ARHGAP22: variants seen among roughly 807,000 people sequenced by gnomAD.
The protein encoded by ARHGAP22 is rho GTPase-activating protein 22.
In ARHGAP22, 48 loss-of-function variants were observed where a neutral mutation model predicts 59.1. The ratio of observed to expected loss-of-function variants is 0.81; its 90% CI spans 0.64 to 1.03. The LOEUF (loss-of-function observed/expected upper bound fraction) is 1.03. ARHGAP22 is among the 50% of genes least tolerant of loss of function. ARHGAP22 has a pLI of 0.00. For missense variants in ARHGAP22, 1,015 were observed against 958.7 expected, an observed-to-expected ratio of 1.06 and a Z score of -0.78; for synonymous variants, 445 against 416.4, an observed-to-expected ratio of 1.07 and a Z score of -0.84.
At chr10:48,481,659 A>G (rs1002094493) in intron 3 of ARHGAP22, among the ~76,000 whole-genome samples, 1 of 152,082 alleles carries the variant, frequency 6.6e-6, no homozygotes, top group African/African-American at 2.4e-5. Context: ...ATTTATATAT[A>G]TTTTTATATA....
intron 3 of ARHGAP22, among the ~76,000 whole-genome samples, chr10:48,495,854 G>A (rs908710099): frequency 6.6e-5 from 10 of 152,202 alleles, no homozygotes; most frequent in Admixed American, 2.6e-4. Flanking sequence ...GGAGCTGCCC[G>A]AGGCGGAGGC....
chr10:48,572,608 C>T (rs575813481), intron 2 of ARHGAP22, among the ~76,000 whole-genome samples: 1 of 152,116 alleles, frequency 6.6e-6, no homozygotes, highest in African/African-American at 2.4e-5. Flanking sequence ...TGAGTCAGGA[C>T]CCTCTTTGTG....
At position 48,522,001 on chromosome 10, in the gene ARHGAP22, ATGGTT is replaced by A. The variant is rs1248545967; in HGVS notation, c.322+33457_322+33461del. On this transcript the variant is annotated intron_variant, in intron 3 of 9. Coordinates refer to ENST00000249601, the MANE Select transcript of ARHGAP22 (RefSeq NM_021226.4). Reference sequence around the variant, plus strand: ...TTTATTGCAGAACTAATTGTGAACAATGGTTCAGACTGTCCGCCACCCAGCCAGAC... The same window carrying A: ...TTTATTGCAGAACTAATTGTGAACAACAGACTGTCCGCCACCCAGCCAGAC... Among the ~76,000 whole-genome samples, 3 of 152,258 alleles carry A rather than the reference ATGGTT, an allele frequency of 2.0e-5. No individual in the cohort carries two copies. The East Asian group carries it at 5.8e-4, about 29-fold the overall frequency.
At chr10:48,516,920 C>T (rs1412913213) in intron 3 of ARHGAP22, among the ~76,000 whole-genome samples, 3 of 152,192 alleles carry the variant, frequency 2.0e-5, no homozygotes, top group Non-Finnish European at 1.5e-5. Context: ...TGGAATATTA[C>T]TCAGCCTTAA....
chr10:48,566,495 G>C (rs2135440443), intron 2 of ARHGAP22, among the ~76,000 whole-genome samples: 1 of 152,298 alleles, frequency 6.6e-6, no homozygotes, highest in East Asian at 1.9e-4. Context: ...TCTTGGTAAA[G>C]GAACGTTCCC....
chr10:48,630,018 T>C (rs1028135389), intron 1 of ARHGAP22, among the ~76,000 whole-genome samples: 7 of 152,162 alleles, frequency 4.6e-5, no homozygotes, highest in Admixed American at 1.3e-4. Context: ...TGCTGGTGTA[T>C]GGAAAAGCAA....
At chr10:48,621,788 C>T (rs1159435124) in intron 1 of ARHGAP22, among the ~76,000 whole-genome samples, 1 of 152,210 alleles carries the variant, frequency 6.6e-6, no homozygotes, top group Non-Finnish European at 1.5e-5. Flanking sequence ...TTATTTCTCT[C>T]TAAGTCTTTC....
intron 3 of ARHGAP22, among the ~76,000 whole-genome samples, chr10:48,535,020 G>T (rs955423385): frequency 6.6e-6 from 1 of 152,172 alleles, no homozygotes; most frequent in African/African-American, 2.4e-5. Context: ...CTTAGCTGGG[G>T]CATAGTACTG....
chr10:48,434,853 C>T, the ARHGAP22 span: 1 of 1,580,316 alleles, frequency 6.3e-7, no homozygotes. Flanking sequence ...CTGTCTGCAA[C>T]TGATTTGCTG....
intron 4 of ARHGAP22, chr10:48,466,726 A>G (rs1402791502): frequency 4.0e-5 from 6 of 148,502 alleles, no homozygotes; most frequent in South Asian, 2.1e-4. Context: ...GCACGCGCGC[A>G]GGTAGCGTCT....
chr10:48,462,451 A>T (rs561353713), intron 4 of ARHGAP22, among the ~76,000 whole-genome samples: 7 of 152,326 alleles, frequency 4.6e-5, no homozygotes, highest in African/African-American at 1.7e-4. Context: ...GTTTGAACGG[A>T]GAGGCATGGG....
chr10:48,434,051 C>T, the ARHGAP22 span, among the ~76,000 whole-genome samples: 1 of 152,202 alleles, frequency 6.6e-6, no homozygotes, highest in Non-Finnish European at 1.5e-5. Context: ...ATAAGTCATT[C>T]CTGTCCCCTT....
At chr10:48,436,932 TATTA>T in the ARHGAP22 span, 3 of 152,264 alleles carry the variant, frequency 2.0e-5, no homozygotes, top group African/African-American at 7.2e-5. Flanking sequence ...AGTGTGTTTA[TATTA>T]ATTTCACAAT....
intron 3 of ARHGAP22, among the ~76,000 whole-genome samples, chr10:48,494,175 CACAG>C (rs1439616301): frequency 6.6e-6 from 1 of 152,152 alleles, no homozygotes; most frequent in African/African-American, 2.4e-5. Context: ...TGGTCTGTGT[CACAG>C]ACAGAGAAGC....
the ARHGAP22 span, among the ~76,000 whole-genome samples, chr10:48,433,193 G>A: frequency 1.3e-5 from 2 of 152,238 alleles, no homozygotes; most frequent in South Asian, 4.2e-4. Flanking sequence ...GAGAAAACAA[G>A]TGTGTGTTTT....
intron 1 of ARHGAP22, among the ~76,000 whole-genome samples, chr10:48,616,681 T>C (rs896749035): frequency 1.3e-5 from 2 of 152,122 alleles, no homozygotes; most frequent in African/African-American, 4.8e-5. Context: ...TGGAGTGATG[T>C]ATTCAAAATG....
intron 3 of ARHGAP22, among the ~76,000 whole-genome samples, chr10:48,481,138 C>T (rs752449038): frequency 7.9e-5 from 12 of 152,218 alleles, no homozygotes; most frequent in East Asian, 1.9e-4. Flanking sequence ...CTGTGGAGGT[C>T]GGTAGGAAGG....
intron 3 of ARHGAP22, among the ~76,000 whole-genome samples, chr10:48,489,040 G>T (rs1200944140): frequency 1.3e-5 from 2 of 152,174 alleles, no homozygotes; most frequent in Non-Finnish European, 2.9e-5. Context: ...GGGGGTCATA[G>T]TCCTTCCCTA....
intron 1 of ARHGAP22, among the ~76,000 whole-genome samples, chr10:48,588,649 C>G (rs1343483082): frequency 1.1e-4 from 17 of 152,204 alleles, no homozygotes; most frequent in Admixed American, 1.1e-3. Flanking sequence ...AAAGGTGGCT[C>G]TTCCATGCAC....
Sources: gnomAD v4.1 joint callset for allele counts (sites outside exome capture counted in the v4.1 genomes callset) on GRCh38, gnomAD v4.1.1 for gene constraint, MANE v1.5 for transcripts, NCBI Gene and HGNC (gene_info 2026-07-23, HGNC 2026-07-21) for gene names.